Variants in PLEKHA6 observed in about 807,000 individuals in gnomAD.
The protein encoded by PLEKHA6 is pleckstrin homology domain containing A6.
A neutral mutation model predicts 116.7 loss-of-function variants in PLEKHA6; 60 were observed. The ratio of observed to expected loss-of-function variants is 0.51; its 90% CI spans 0.42 to 0.64. The LOEUF is 0.64. PLEKHA6 is among the 30% of genes least tolerant of loss of function. The pLI, the probability that PLEKHA6 is intolerant of heterozygous loss-of-function variation, is 0.00. For synonymous variants in PLEKHA6, 489 were observed against 556.1 expected (o/e 0.88, Z 1.70); for missense variants, 1,338 against 1,422.7 (o/e 0.94, Z 0.96).
rs142871466 is a variant in PLEKHA6, at chr1:204,274,594, C to T, written c.-14+135G>A. 5.5e-4 allele frequency: 543 copies of T among 985,616 alleles called. 4 individuals carry two copies. In the African/African-American group the frequency reaches 8.8e-3, roughly 16 times the overall value. The allele number at this position is 985,616 out of a possible 1,614,324, so 61.1% of individuals were successfully genotyped here. ...CTCAGATGCTTCCAGTCCTCAGAACCGAGGTGAGTCACTGCAAAGCCCTTC... is the reference window on the plus strand; with the variant it reads ...CTCAGATGCTTCCAGTCCTCAGAACTGAGGTGAGTCACTGCAAAGCCCTTC... On this transcript the variant is annotated intron_variant, in intron 2 of 22. Transcript: ENST00000272203.
chr1:204,237,517 GA>G (rs1456990819), intron 17 of PLEKHA6, among the ~76,000 whole-genome samples: 1 of 152,208 alleles, frequency 6.6e-6, no homozygotes, highest in African/African-American at 2.4e-5. Context: ...CTTGGAGAAT[GA>G]CAATGGATTA....
intron 1 of PLEKHA6, among the ~76,000 whole-genome samples, chr1:204,348,802 A>G (rs183516835): frequency 7.0e-6 from 1 of 143,466 alleles, no homozygotes; most frequent in African/African-American, 2.6e-5. Context: ...TGTCATCTCC[A>G]TTGTCAGATG....
intron 1 of PLEKHA6, among the ~76,000 whole-genome samples, chr1:204,292,405 C>A (rs192430009): frequency 1.3e-3 from 195 of 152,268 alleles, no homozygotes; most frequent in African/African-American, 4.5e-3. Context: ...AACCTCAGTC[C>A]GAAGCTCTTT....
chr1:204,367,410 C>A (rs1365372971), intron 3 of PLEKHA6, among the ~76,000 whole-genome samples: 1 of 152,218 alleles, frequency 6.6e-6, no homozygotes, highest in Non-Finnish European at 1.5e-5. Context: ...CCCACGGACA[C>A]CTTCCCTTCC....
chr1:204,305,803 T>C (rs1199272720), intron 1 of PLEKHA6, among the ~76,000 whole-genome samples: 5 of 152,146 alleles, frequency 3.3e-5, no homozygotes, highest in East Asian at 3.8e-4. Flanking sequence ...CTGTACAACC[T>C]ATTAATTGTA....
At chr1:204,300,653 C>T (rs1670727098) in intron 1 of PLEKHA6, among the ~76,000 whole-genome samples, 1 of 152,202 alleles carries the variant, frequency 6.6e-6, no homozygotes, top group Admixed American at 6.5e-5. Context: ...GCTCCCCGTG[C>T]CCACCCTTGA....
In PLEKHA6 at chr1:204,221,074, G is replaced by A. The variant is rs1174782854; in HGVS notation, c.*1714C>T. On this transcript the variant is annotated 3_prime_UTR_variant, in exon 23 of 23. Coordinates refer to ENST00000272203, the MANE Select transcript of PLEKHA6 (RefSeq NM_014935.5). The stretch of plus-strand genomic sequence containing the variant: ...TTGGGGTGCTTGAACTGTGAAGATG[G>A]GAAATACAGCCAAGGGTCACGTTTA... The A allele has an allele frequency of 2.0e-5, 3 of 152,284 alleles. No individual in the cohort carries two copies. Among genetic ancestry groups the A allele is most frequent in the African/African-American group, 7.2e-5 (3 of 41,396 alleles). 9.4% of individuals were successfully genotyped at this position (152,284 alleles called of 1,614,324 possible). A position where few individuals can be genotyped will look rare whatever the true frequency, so the allele number is the denominator to read the frequency against.
intron 21 of PLEKHA6, among the ~76,000 whole-genome samples, chr1:204,227,062 G>C (rs1004501007): frequency 6.6e-6 from 1 of 152,184 alleles, no homozygotes; most frequent in Non-Finnish European, 1.5e-5. Flanking sequence ...TGGAGCCTCA[G>C]AGCACCAGAA....
At position 204,228,520 on chromosome 1, in the gene PLEKHA6, T is replaced by C; in HGVS notation, c.2885+208A>G. ...AGCCTTCAGTTTTGTCTCGATGGTG[T>C]GGTGTGCACGAGCCTGGCAGGTCTT... On this transcript the variant is annotated intron_variant, in intron 20 of 22. Transcript: ENST00000272203. The surrounding 1 kb of genome is among the most constrained non-coding windows in gnomAD (Gnocchi z 4.0). 6.6e-6 allele frequency among the ~76,000 whole-genome samples: 1 copy of C among 152,060 alleles called. No homozygotes were observed. Among genetic ancestry groups the C allele is most frequent in the South Asian group, 2.1e-4 (1 of 4,814 alleles).
chr1:204,268,331 G>A lies in PLEKHA6; in HGVS notation c.103-19C>T. On this transcript the variant is annotated intron_variant, in intron 3 of 22. Transcript: ENST00000272203. ...GAGTTGCCTGGGGGCAGAGAGAGAA[G>A]CTGATCTAGGTCCCCAGTCTCCTCC... The A allele has an allele frequency of 6.4e-7, 1 of 1,555,506 alleles. No individual in the cohort carries two copies. The highest frequency in any genetic ancestry group is 1.4e-5 in the African/African-American group (1 of 73,758).
rs1659367428 is a variant in PLEKHA6 at position 204,218,996 on chromosome 1, G to A, written c.*3792C>T. The A allele has an allele frequency of 6.6e-6, 1 of 152,558 alleles. No homozygotes were observed. Among genetic ancestry groups the A allele is most frequent in the African/African-American group, 2.4e-5 (1 of 41,438 alleles). 9.5% of individuals were successfully genotyped at this position (152,558 alleles called of 1,614,324 possible). A position where few individuals can be genotyped will look rare whatever the true frequency, so the allele number is the denominator to read the frequency against. ...AGCAAACTCTCACCTGTTTCAGTCA[G>A]GCCATCCCTCCTCCTGGGGAGGGGG... On this transcript the variant is annotated 3_prime_UTR_variant, in exon 23 of 23. Coordinates refer to ENST00000272203, the MANE Select transcript of PLEKHA6 (RefSeq NM_014935.5).
At chr1:204,304,856 A>G (rs1186716295) in intron 1 of PLEKHA6, among the ~76,000 whole-genome samples, 2 of 152,164 alleles carry the variant, frequency 1.3e-5, no homozygotes, top group Non-Finnish European at 2.9e-5. Flanking sequence ...TACACATACT[A>G]TTCTTTACTT....
intron 1 of PLEKHA6, among the ~76,000 whole-genome samples, chr1:204,298,925 C>T (rs1670548623): frequency 6.6e-6 from 1 of 152,200 alleles, no homozygotes; most frequent in Non-Finnish European, 1.5e-5. Flanking sequence ...TATAGACTGA[C>T]CAGGAAGCTG....
Position 204,259,410 on chromosome 1 carries a change from G to A in PLEKHA6, c.855C>T (p.Phe285=). The change falls in exon 8 of 23, where the codon TTC becomes TTT. Residue 285 remains phenylalanine (F), a synonymous_variant. Transcript: ENST00000272203. The surrounding 1 kb of genome is among the most constrained non-coding windows in gnomAD (Gnocchi z 4.6). The part of the protein sequence containing the change: ...HSPSRPGSTA[F]PSQDGETGGH... ...CCCCAGTCTCTCCATCCTGAGACGG[G>A]AAAGCTGTGCTCCCTGGCCGGCTTG... The A allele has an allele frequency of 6.2e-7, 1 of 1,614,244 alleles. No individual in the cohort carries two copies. Among genetic ancestry groups the A allele is most frequent in the African/African-American group, 1.3e-5 (1 of 75,072 alleles).
Position 204,257,384 on chromosome 1 carries a change from TAGGCAGC to T in PLEKHA6, c.1486_1492del (p.Ala496MetfsTer2). The T allele has an allele frequency of 6.4e-7, 1 of 1,563,674 alleles. No homozygotes were observed. The highest frequency in any genetic ancestry group is 8.7e-7 in the Non-Finnish European group (1 of 1,153,518). The stretch of plus-strand genomic sequence containing the variant: ...GGAGCTGATGGATCGCCTCATCACA[TAGGCAGC>T]AGGGTCAGCATAGATGTCCTCACTG... On this transcript the variant is annotated frameshift_variant, in exon 9 of 23. Coordinates refer to ENST00000272203, the MANE Select transcript of PLEKHA6 (RefSeq NM_014935.5). LOFTEE classifies it high-confidence loss of function. This position sits in a 1 kb window ranked among gnomAD's most constrained non-coding sequence, Gnocchi z 6.5.
Position 204,221,140 on chromosome 1 carries a change from G to T in PLEKHA6, c.*1648C>A, listed in dbSNP as rs1277296213. The stretch of plus-strand genomic sequence containing the variant: ...GTGAAGATCGGTGGAATCCTCCCAG[G>T]CTGTAATCCCTCAGAAACATGAGAA... On this transcript the variant is annotated 3_prime_UTR_variant, in exon 23 of 23. Transcript: ENST00000272203. The T allele has an allele frequency of 3.3e-5, 5 of 152,554 alleles. No individual in the cohort carries two copies. In the East Asian group the frequency reaches 7.7e-4, roughly 23 times the overall value. The allele number at this position is 152,554 out of a possible 1,614,324, so 9.5% of individuals were successfully genotyped here.
intron 1 of PLEKHA6, chr1:204,297,145 C>T: frequency 1.0e-6 from 1 of 981,902 alleles, no homozygotes. Flanking sequence ...GAGAAAGTCA[C>T]TAACTAACAT....
chr1:204,311,008 T>C (rs1671638060), intron 1 of PLEKHA6, among the ~76,000 whole-genome samples: 1 of 152,136 alleles, frequency 6.6e-6, no homozygotes, highest in Non-Finnish European at 1.5e-5. Context: ...AGCTGGGAGA[T>C]TTGGTGATCC....
chr1:204,284,078 G>A (rs6659692), intron 1 of PLEKHA6, among the ~76,000 whole-genome samples: 74,945 of 152,030 alleles, frequency 0.49, 18,511 homozygotes, highest in Middle Eastern at 0.56. Context: ...CCCTCTCGCC[G>A]GGATCAGTGT....
Sources: gnomAD v4.1 joint callset for allele counts (sites outside exome capture counted in the v4.1 genomes callset) on GRCh38, gnomAD v4.1.1 for gene constraint, Gnocchi (gnomAD v3.1) non-coding constraint, MANE v1.5 for transcripts, NCBI Gene and HGNC (gene_info 2026-07-23, HGNC 2026-07-21) for gene names.